The following TRIM7 variants were observed in gnomAD, a reference collection of about 807,000 sequenced individuals.
TRIM7 encodes tripartite motif containing 7.
In TRIM7, 32 loss-of-function variants were observed where a neutral mutation model predicts 37.9. That is an observed-to-expected ratio of 0.84 (90% CI 0.64 to 1.13). The LOEUF (loss-of-function observed/expected upper bound fraction) is 1.13. Among genes scored for constraint, TRIM7 ranks in the 50% most tolerant of loss-of-function variants. The pLI is 0.00. For synonymous variants in TRIM7, 351 were observed against 321.3 expected (o/e 1.09, Z -0.99); for missense variants, 732 against 714.0 (o/e 1.03, Z -0.29).
chr5:181,200,334 C>T (rs1757404744), intron 2 of TRIM7: 3 of 1,425,846 alleles, frequency 2.1e-6, no homozygotes, highest in Non-Finnish European at 2.7e-6. Context: ...TGCTCCATCA[C>T]CTAAACCAAG....
chr5:181,204,011 C>G (rs1757670339), intron 1 of TRIM7: 3 of 1,028,598 alleles, frequency 2.9e-6, no homozygotes, highest in Admixed American at 5.3e-5. Context: ...CGCCCTCACC[C>G]CTGCACACAC....
chr5:181,203,897 C>G, intron 1 of TRIM7: 1 of 1,232,084 alleles, frequency 8.1e-7, no homozygotes, highest in Non-Finnish European at 1.0e-6. Context: ...TAGTCGTCTC[C>G]TCTACTCTCC....
intron 2 of TRIM7, 159 bp downstream of exon 2, chr5:181,203,386 A>G: frequency 6.8e-7 from 1 of 1,465,834 alleles, no homozygotes; most frequent in Non-Finnish European, 9.0e-7. Context: ...TTGTACAACA[A>G]TTATGTGGAC....
intron 4 of TRIM7, 65 bp downstream of exon 4, chr5:181,199,030 G>A (rs79848802): frequency 0.041 from 65,982 of 1,600,720 alleles, 3,201 homozygotes; most frequent in East Asian, 0.28. Context: ...AGGGAATAAA[G>A]ACAAGGCTCA....
intron 6 of TRIM7, 101 bp from the exon 7 acceptor site, chr5:181,195,778 C>T: frequency 6.9e-7 from 1 of 1,439,158 alleles, no homozygotes; most frequent in South Asian, 1.5e-5. Context: ...GCCTGCCTTT[C>T]CCTCTAGAAT....
At chr5:181,203,413 A>C (rs1757626896) in intron 2 of TRIM7, 132 bp downstream of exon 2, 1 of 1,512,612 alleles carries the variant, frequency 6.6e-7, no homozygotes, top group Admixed American at 2.4e-5. Flanking sequence ...TATAATATGG[A>C]CTCTATTATC....
intron 6 of TRIM7, chr5:181,196,040 A>G (rs79077998): frequency 0.016 from 3,583 of 229,044 alleles, 141 homozygotes; most frequent in African/African-American, 0.075. Context: ...TTTAGAGATA[A>G]CACACTGAGG....
chr5:181,200,655 C>T (rs560098570), intron 2 of TRIM7: 16 of 998,638 alleles, frequency 1.6e-5, no homozygotes, highest in South Asian at 1.3e-4. Flanking sequence ...CCCCAAGGAA[C>T]GAAGTGAGAA....
At chr5:181,196,532 A>G (rs927384734) in intron 6 of TRIM7, 1 of 152,028 alleles carries the variant, frequency 6.6e-6, no homozygotes, top group Admixed American at 6.6e-5. Context: ...ATGGCGGAAA[A>G]CTTGTTTTGT....
intron 2 of TRIM7, chr5:181,202,569 CTTT>C (rs34294728): frequency 4.2e-5 from 6 of 141,422 alleles, no homozygotes; most frequent in Non-Finnish European, 7.7e-5. Context: ...GTTTGCTTAT[CTTT>C]TTTTTTTTTT....
intron 3 of TRIM7, chr5:181,199,628 G>C: frequency 1.5e-6 from 1 of 666,142 alleles, no homozygotes; most frequent in Non-Finnish European, 2.4e-6. Context: ...TCTCAAGCTT[G>C]TGATTCTGAA....
rs12109120 is a variant in TRIM7 at position 181,195,810 on chromosome 5, G to C, written c.1025-133C>G. 2.4e-3 allele frequency: 2,932 copies of C among 1,199,352 alleles called. 57 individuals carry two copies. In the African/African-American group the frequency reaches 0.043, roughly 18 times the overall value. 74.3% of individuals were successfully genotyped at this position (1,199,352 alleles called of 1,614,324 possible). A position where few individuals can be genotyped will look rare whatever the true frequency, so the allele number is the denominator to read the frequency against. On this transcript the variant is annotated intron_variant, in intron 6 of 6. Transcript: ENST00000274773. ...GAATCCCCCCAGCACCCAGCGCCAA[G>C]GCCCAACCAACCCCCACGCTCTGCC...
Position 181,199,884 on chromosome 5 carries a change from C to A in TRIM7, c.816G>T (p.Glu272Asp), listed in dbSNP as rs763089536. ...QLSKLSSQIQ[E>D]TAQKPDLDFL... ...AGTCAAGGTCAGGCTTTTGAGCTGT[C>A]TCCTGGATCTGGCTGCTGAGCTTGG... The change falls in exon 3 of 7, where the codon GAG becomes GAT. Residue 272 changes from glutamate to aspartate, a missense_variant. By Grantham distance (45) the Glu-to-Asp change is conservative (BLOSUM62 2). Transcript: ENST00000274773. 18 of 1,614,086 alleles carry A rather than the reference C, an allele frequency of 1.1e-5. No individual in the cohort carries two copies. Among genetic ancestry groups the A allele is most frequent in the Admixed American group, 1.7e-5 (1 of 60,008 alleles).
At position 181,198,771 on chromosome 5, in the gene TRIM7, CTG is replaced by C. The variant is rs1229027756; in HGVS notation, c.905_906del (p.Thr302SerfsTer4). 1 of 1,614,012 alleles carries C rather than the reference CTG, an allele frequency of 6.2e-7. No homozygotes were observed. The highest frequency in any genetic ancestry group is 8.5e-7 in the Non-Finnish European group (1 of 1,180,008). On this transcript the variant is annotated frameshift_variant, in exon 5 of 7. Coordinates refer to ENST00000274773, the MANE Select transcript of TRIM7 (RefSeq NM_203293.3). LOFTEE classifies it high-confidence loss of function. ...ACTTTATTCTTCATCTCAGAAGAGA[CTG>C]TGGTTGGCTTGGGGCCAGGCACATT... ...CSNVPGPKPTTVSSEMKNKVW... is the reference protein window; with the variant it reads ...CSNVPGPKPTXVSSEMKNKVW...
intron 2 of TRIM7, chr5:181,203,267 G>A (rs937696544): frequency 1.3e-5 from 16 of 1,269,930 alleles, no homozygotes; most frequent in African/African-American, 3.0e-5. Flanking sequence ...GGTATGTTAC[G>A]TAATATCAGA....
chr5:181,198,980 C>A lies in TRIM7; in HGVS notation c.872+115G>T, dbSNP rs981189008. On this transcript the variant is annotated intron_variant, in intron 4 of 6. Coordinates refer to ENST00000274773, the MANE Select transcript of TRIM7 (RefSeq NM_203293.3). The stretch of plus-strand genomic sequence containing the variant: ...GCGTTTGTCTCGGAAGGTCCCCAGG[C>A]AAGCAAGTCGGGGGATCAGGAGGTG... The A allele has an allele frequency of 4.9e-6, 7 of 1,440,908 alleles. No individual in the cohort carries two copies. In the South Asian group the frequency reaches 8.1e-5, roughly 17 times the overall value. The allele number at this position is 1,440,908 out of a possible 1,614,324, so 89.3% of individuals were successfully genotyped here. A position where few individuals can be genotyped will look rare whatever the true frequency, so the allele number is the denominator to read the frequency against.
rs963093094 is a variant in TRIM7 at position 181,198,944 on chromosome 5, C to T, written c.873-139G>A. 6.6e-6 allele frequency: 8 copies of T among 1,215,358 alleles called. No homozygotes were observed. In the East Asian group the frequency reaches 1.6e-4, roughly 25 times the overall value. The allele number at this position is 1,215,358 out of a possible 1,614,324, so 75.3% of individuals were successfully genotyped here. ...GACCTCATGCAGAAAAACCCATGGC[C>T]AGGCAGGTGGGCGTTTGTCTCGGAA... On this transcript the variant is annotated intron_variant, in intron 4 of 6. Coordinates refer to ENST00000274773, the MANE Select transcript of TRIM7 (RefSeq NM_203293.3).
At chr5:181,201,048 G>T in intron 2 of TRIM7, 1 of 411,218 alleles carries the variant, frequency 2.4e-6, no homozygotes, top group South Asian at 1.0e-4. Flanking sequence ...ACATCACCAG[G>T]AAGTGTTAAG....
chr5:181,199,291 G>A (rs947332129), intron 3 of TRIM7, 174 bp from the exon 4 acceptor site: 2 of 698,560 alleles, frequency 2.9e-6, no homozygotes, highest in African/African-American at 3.5e-5. Context: ...CTGGCTGCAG[G>A]GTGTCTCACC....
Sources: gnomAD v4.1 joint callset for allele counts on GRCh38, gnomAD v4.1.1 for gene constraint, MANE v1.5 for transcripts, NCBI Gene and HGNC (gene_info 2026-07-23, HGNC 2026-07-21) for gene names.